Variants in RALYL observed in about 807,000 individuals in gnomAD.
RALYL encodes the protein RALY RNA binding protein like.
RALYL carries 29 observed loss-of-function variants against 35.1 expected under a neutral mutation model. The observed-to-expected ratio is 0.83, with a 90% CI of 0.61 to 1.13. RALYL has a LOEUF of 1.13. Among genes scored for constraint, RALYL ranks in the 50% most tolerant of loss-of-function variants. The pLI is 0.00. For missense variants in RALYL, 359 were observed against 360.4 expected (o/e 1.00, Z 0.03); for synonymous variants, 120 against 127.6 (o/e 0.94, Z 0.40).
chr8:84,269,950 A>T (rs2131924157), intron 1 of RALYL, among the ~76,000 whole-genome samples: 1 of 152,272 alleles, frequency 6.6e-6, no homozygotes, highest in African/African-American at 2.4e-5. Context: ...AGAGTAAATT[A>T]GGGTAAAGAA....
intron 2 of RALYL, among the ~76,000 whole-genome samples, chr8:84,642,364 T>A (rs1826549763): frequency 6.7e-6 from 1 of 149,474 alleles, no homozygotes; most frequent in African/African-American, 2.6e-5. Context: ...GGGGTTTTTT[T>A]AAACTTGAGA....
chr8:84,713,381 CTT>C (rs898650142), intron 2 of RALYL, among the ~76,000 whole-genome samples: 11 of 151,886 alleles, frequency 7.2e-5, no homozygotes, highest in Admixed American at 4.6e-4. Context: ...AAATTAATAA[CTT>C]GATTGAAAAA....
rs1481588411 is a variant in RALYL at position 84,747,578 on chromosome 8, A to T, written c.257-27001A>T. ...AATGTCGGAAAGTGCAGACAAGCCT[A>T]GCATACAGTCTTCCTAAGAACATAA... On this transcript the variant is annotated intron_variant, in intron 2 of 8. Coordinates refer to ENST00000521268, the MANE Select transcript of RALYL (RefSeq NM_173848.7). Among the ~76,000 whole-genome samples the T allele has an allele frequency of 2.0e-5, 3 of 151,930 alleles. No individual in the cohort carries two copies. In the East Asian group the frequency reaches 5.8e-4, roughly 29 times the overall value.
chr8:84,470,626 T>G (rs373473055), intron 1 of RALYL, among the ~76,000 whole-genome samples: 40 of 152,316 alleles, frequency 2.6e-4, no homozygotes, highest in African/African-American at 9.6e-4. Flanking sequence ...TATTGTGAGG[T>G]ACATCAGATG....
chr8:84,654,456 TA>T (rs1398742783), intron 2 of RALYL, among the ~76,000 whole-genome samples: 1 of 151,578 alleles, frequency 6.6e-6, no homozygotes, highest in Non-Finnish European at 1.5e-5. Flanking sequence ...ATTATTCTGT[TA>T]CTTATTTTTA....
Position 84,684,761 on chromosome 8 carries a change from T to C in RALYL, c.257-89818T>C, listed in dbSNP as rs184101321. Among the ~76,000 whole-genome samples, 577 of 152,312 alleles carry C rather than the reference T, an allele frequency of 3.8e-3. 6 individuals are homozygous for C. Among genetic ancestry groups the C allele is most frequent in the African/African-American group, 0.013 (547 of 41,582 alleles). ...AATCAAGACTTTGAAAGGCCATACA[T>C]GGCATATATGCATACCTTACATACA... On this transcript the variant is annotated intron_variant, in intron 2 of 8. Coordinates refer to ENST00000521268, the MANE Select transcript of RALYL (RefSeq NM_173848.7).
At chr8:84,405,823 CTTTT>C (rs776007226) in intron 1 of RALYL, among the ~76,000 whole-genome samples, 142 of 118,124 alleles carry the variant, frequency 1.2e-3, no homozygotes, top group African/African-American at 4.5e-3. Context: ...TATTTTCATT[CTTTT>C]TTTTTTTTTT....
At chr8:84,466,751 C>T (rs1183019319) in intron 1 of RALYL, among the ~76,000 whole-genome samples, 10 of 147,396 alleles carry the variant, frequency 6.8e-5, no homozygotes, top group African/African-American at 9.9e-5. Flanking sequence ...TGGTAGAATT[C>T]GGCTGTGAAT....
chr8:84,275,369 A>G (rs1019633258), intron 1 of RALYL, among the ~76,000 whole-genome samples: 26 of 152,100 alleles, frequency 1.7e-4, no homozygotes, highest in African/African-American at 6.0e-4. Flanking sequence ...TTCGGAATTC[A>G]TATTACAAGC....
At chr8:84,912,050 T>A (rs1391989524) in intron 8 of RALYL, among the ~76,000 whole-genome samples, 1 of 152,062 alleles carries the variant, frequency 6.6e-6, no homozygotes, top group East Asian at 1.9e-4. Flanking sequence ...ACCTCTCACT[T>A]TCCTTGAGGT....
chr8:84,430,466 A>C (rs192460630), intron 1 of RALYL, among the ~76,000 whole-genome samples: 5 of 152,140 alleles, frequency 3.3e-5, no homozygotes, highest in Non-Finnish European at 7.4e-5. Flanking sequence ...GAGGAAAGAA[A>C]GTCACTCACA....
intron 2 of RALYL, among the ~76,000 whole-genome samples, chr8:84,719,496 T>C (rs1843506579): frequency 6.6e-6 from 1 of 152,132 alleles, no homozygotes; most frequent in Admixed American, 6.5e-5. Flanking sequence ...TGAAAAGGAA[T>C]CTAAAAATAC....
intron 3 of RALYL, among the ~76,000 whole-genome samples, chr8:84,802,553 G>A (rs1243996528): frequency 6.6e-6 from 1 of 151,886 alleles, no homozygotes; most frequent in Non-Finnish European, 1.5e-5. Flanking sequence ...GACAATATAT[G>A]TCCCTGTATG....
chr8:84,702,667 T>A (rs911976749), intron 2 of RALYL, among the ~76,000 whole-genome samples: 1 of 152,028 alleles, frequency 6.6e-6, no homozygotes, highest in African/African-American at 2.4e-5. Flanking sequence ...TCTTCTGTTA[T>A]TCTATTACTG....
At chr8:84,462,778 A>T (rs1019681402) in intron 1 of RALYL, among the ~76,000 whole-genome samples, 3 of 151,548 alleles carry the variant, frequency 2.0e-5, no homozygotes, top group African/African-American at 7.3e-5. Context: ...AAACTATCCC[A>T]CACTTTTAAA....
chr8:84,466,783 T>A (rs2051739362), intron 1 of RALYL, among the ~76,000 whole-genome samples: 1 of 147,926 alleles, frequency 6.8e-6, no homozygotes, highest in Non-Finnish European at 1.5e-5. Context: ...TGGACTCTTT[T>A]GGTTGGTAAG....
At chr8:84,695,963 T>G (rs542701918) in intron 2 of RALYL, among the ~76,000 whole-genome samples, 17 of 151,894 alleles carry the variant, frequency 1.1e-4, no homozygotes, top group African/African-American at 3.9e-4. Context: ...GACCAGTCAT[T>G]GTCAAGGGCC....
chr8:84,887,581 C>A, intron 7 of RALYL, 23 bp from the exon 8 acceptor site: 10 of 1,561,804 alleles, frequency 6.4e-6, no homozygotes, highest in Non-Finnish European at 7.7e-6. Context: ...AGGTAGTAGT[C>A]ATTTGCTTTC....
At chr8:84,473,430 A>T (rs997787384) in intron 1 of RALYL, among the ~76,000 whole-genome samples, 6 of 151,928 alleles carry the variant, frequency 3.9e-5, no homozygotes, top group African/African-American at 1.2e-4. Flanking sequence ...TAAACAAAAA[A>T]ATTGAAAGTG....
Sources: gnomAD v4.1 joint callset for allele counts (sites outside exome capture counted in the v4.1 genomes callset) on GRCh38, gnomAD v4.1.1 for gene constraint, MANE v1.5 for transcripts, NCBI Gene and HGNC (gene_info 2026-07-23, HGNC 2026-07-21) for gene names.